Variants in ABCD2 observed in about 807,000 individuals in gnomAD.
ABCD2 encodes ATP binding cassette subfamily D member 2.
ABCD2 carries 36 observed loss-of-function variants against 70.9 expected under a neutral mutation model. The ratio of observed to expected loss-of-function variants is 0.51; its 90% confidence interval spans 0.39 to 0.67. ABCD2 has a LOEUF of 0.67. Ranked by LOEUF, ABCD2 falls within the 30% of genes least tolerant of loss-of-function variation. The probability of loss-of-function intolerance (pLI) is 0.00; values close to 1 mark genes in which losing one functional copy is unlikely to be tolerated. For synonymous variants in ABCD2, 304 were observed against 306.9 expected (o/e 0.99, Z 0.10); for missense variants, 729 against 890.2 (o/e 0.82, Z 2.30).
intron 6 of ABCD2, 105 bp from the exon 7 acceptor site, chr12:39,586,402 C>T (rs1357166817): frequency 2.3e-5 from 26 of 1,120,260 alleles, no homozygotes; most frequent in African/African-American, 3.2e-5. Flanking sequence ...TTAAACACTA[C>T]ATTTCCAGGA....
chr12:39,562,311 A>C (rs1357471874), intron 9 of ABCD2, among the ~76,000 whole-genome samples: 1 of 152,026 alleles, frequency 6.6e-6, no homozygotes, highest in African/African-American at 2.4e-5. Context: ...CCAAACCAAA[A>C]CTAGTAAAAG....
chr12:39,536,575 TCTTGG>T, the ABCD2 span, among the ~76,000 whole-genome samples: 1 of 152,226 alleles, frequency 6.6e-6, no homozygotes, highest in Non-Finnish European at 1.5e-5. Context: ...ACTGTGGAAT[TCTTGG>T]CTTTAGTAAA....
chr12:39,551,967 T>C lies in ABCD2; in HGVS notation c.*1945A>G, dbSNP rs1591960877. The C allele has an allele frequency of 6.6e-6, 1 of 151,960 alleles. No homozygotes were observed. The highest frequency in any genetic ancestry group is 1.9e-4 in the East Asian group (1 of 5,194). The allele number at this position is 151,960 out of a possible 1,614,324, so 9.4% of individuals were successfully genotyped here. A position where few individuals can be genotyped will look rare whatever the true frequency, so the allele number is the denominator to read the frequency against. On this transcript the variant is annotated 3_prime_UTR_variant, in exon 10 of 10. Coordinates refer to ENST00000308666, the MANE Select transcript of ABCD2 (RefSeq NM_005164.4). ...CACTTGCCTCAGACTTTTGCCCTTG[T>C]AGCAGTATAAACTGGATAATCACTT...
intron 6 of ABCD2, among the ~76,000 whole-genome samples, chr12:39,593,336 T>C (rs977831191): frequency 5.3e-5 from 8 of 152,192 alleles, no homozygotes; most frequent in African/African-American, 1.4e-4. Context: ...CACTGCAGCC[T>C]CAACTTCCCA....
the ABCD2 span, among the ~76,000 whole-genome samples, chr12:39,534,282 C>A: frequency 0.011 from 1,661 of 152,284 alleles, 37 homozygotes; most frequent in African/African-American, 0.036. Flanking sequence ...AACTTATTAT[C>A]TTCAGTTAAA....
Position 39,553,697 on chromosome 12 carries a change from G to T in ABCD2, c.*215C>A. 4.0e-6 allele frequency: 2 copies of T among 501,346 alleles called. No homozygotes were observed. The highest frequency in any genetic ancestry group is 7.1e-6 in the Non-Finnish European group (2 of 283,402). 31.1% of individuals were successfully genotyped at this position (501,346 alleles called of 1,614,324 possible). ...TACAAGTGCATTAGGCCTTCACTAG[G>T]AATTAGTATAAGTCATAATGACTGA... On this transcript the variant is annotated 3_prime_UTR_variant, in exon 10 of 10. Transcript: ENST00000308666.
chr12:39,557,376 T>C (rs912390821), intron 9 of ABCD2, among the ~76,000 whole-genome samples: 5 of 152,210 alleles, frequency 3.3e-5, no homozygotes, highest in Admixed American at 6.5e-5. Flanking sequence ...TGTTCAGTTT[T>C]ATGCTTCACA....
intron 6 of ABCD2, among the ~76,000 whole-genome samples, chr12:39,597,592 C>A (rs117695539): frequency 3.6e-4 from 55 of 152,252 alleles, no homozygotes; most frequent in Non-Finnish European, 7.1e-4. Context: ...TAGGAGAGAG[C>A]AGTGAGTTTC....
intron 6 of ABCD2, among the ~76,000 whole-genome samples, chr12:39,590,825 C>T (rs1941735553): frequency 6.6e-6 from 1 of 151,234 alleles, no homozygotes. Flanking sequence ...TAAGACAAAG[C>T]TAGAAAGAAT....
intron 6 of ABCD2, among the ~76,000 whole-genome samples, chr12:39,586,930 T>G (rs979443422): frequency 6.6e-6 from 1 of 152,196 alleles, no homozygotes; most frequent in African/African-American, 2.4e-5. Context: ...AACAACTTGG[T>G]AACTCACTCC....
chr12:39,606,014 C>T (rs1171793626), intron 3 of ABCD2, among the ~76,000 whole-genome samples: 2 of 152,006 alleles, frequency 1.3e-5, no homozygotes, highest in South Asian at 2.1e-4. Flanking sequence ...CTAATGTTAT[C>T]TGGAAGAACC....
At position 39,553,783 on chromosome 12, in the gene ABCD2, C is replaced by T; in HGVS notation, c.*129G>A. Reference sequence around the variant, plus strand: ...AGTCAGATCATATACTTCCTTAATGCTAAAATCTTATAAAACATGTCTTGC... The same window carrying T: ...AGTCAGATCATATACTTCCTTAATGTTAAAATCTTATAAAACATGTCTTGC... On this transcript the variant is annotated 3_prime_UTR_variant, in exon 10 of 10. Coordinates refer to ENST00000308666, the MANE Select transcript of ABCD2 (RefSeq NM_005164.4). 4.3e-6 allele frequency: 3 copies of T among 692,558 alleles called. 1 individual carries two copies. The highest frequency in any genetic ancestry group is 4.1e-5 in the South Asian group (2 of 48,740). The allele number at this position is 692,558 out of a possible 1,614,324, so 42.9% of individuals were successfully genotyped here. A position where few individuals can be genotyped will look rare whatever the true frequency, so the allele number is the denominator to read the frequency against.
chr12:39,579,880 G>GC (rs1200676664), intron 7 of ABCD2, among the ~76,000 whole-genome samples: 2 of 152,016 alleles, frequency 1.3e-5, no homozygotes, highest in Non-Finnish European at 2.9e-5. Flanking sequence ...TAAAAACTGT[G>GC]TTTGTTTCTC....
At chr12:39,532,429 G>T in the ABCD2 span, among the ~76,000 whole-genome samples, 15 of 152,008 alleles carry the variant, frequency 9.9e-5, no homozygotes, top group African/African-American at 3.6e-4. Flanking sequence ...TATTTTTTTT[G>T]CCAGTTTGAT....
Position 39,604,903 on chromosome 12 carries a change from G to T in ABCD2, c.1264C>A (p.Arg422=). ...AAGACCCAAAACATATTGTACACTC[G>T]AGCAGTGTAGCCTGCTAATTCAGTG... is the stretch of plus-strand genomic sequence containing the variant. ...EVTELAGYTA[R]VYNMFWVFDE... The change falls in exon 4 of 10, where the codon CGA becomes AGA. Residue 422 remains arginine, a synonymous_variant. Transcript: ENST00000308666. The T allele has an allele frequency of 6.2e-7, 1 of 1,609,242 alleles. No individual in the cohort carries two copies. The highest frequency in any genetic ancestry group is 8.5e-7 in the Non-Finnish European group (1 of 1,178,118).
chr12:39,585,004 C>G (rs1941646318), intron 7 of ABCD2, among the ~76,000 whole-genome samples: 1 of 152,132 alleles, frequency 6.6e-6, no homozygotes, highest in Admixed American at 6.5e-5. Context: ...TATTCAGGCT[C>G]TTTCTTGGTT....
chr12:39,547,900 A>ATGTGTATGTGCATGTGCATG (rs1384463601), downstream of ABCD2, among the ~76,000 whole-genome samples: 10 of 151,826 alleles, frequency 6.6e-5, no homozygotes, highest in African/African-American at 2.4e-4. Flanking sequence ...GTGTGTGTAT[A>ATGTGTATGTGCATGTGCATG]TGTGTATGTG....
downstream of ABCD2, among the ~76,000 whole-genome samples, chr12:39,545,831 G>A (rs1325010862): frequency 6.6e-6 from 1 of 152,072 alleles, no homozygotes; most frequent in Non-Finnish European, 1.5e-5. Flanking sequence ...TGAATTCCTG[G>A]ACCTGTCCAC....
intron 8 of ABCD2, among the ~76,000 whole-genome samples, chr12:39,575,029 G>A (rs1941496880): frequency 6.6e-6 from 1 of 152,078 alleles, no homozygotes; most frequent in African/African-American, 2.4e-5. Flanking sequence ...TACTGTTCTG[G>A]TTTAAGTATT....
Sources: gnomAD v4.1 joint callset for allele counts (sites outside exome capture counted in the v4.1 genomes callset) on GRCh38, gnomAD v4.1.1 for gene constraint, MANE v1.5 for transcripts, NCBI Gene and HGNC (gene_info 2026-07-23, HGNC 2026-07-21) for gene names.